The following ZNF366 variants were observed in gnomAD, a reference collection of about 807,000 sequenced individuals.
ZNF366 encodes the protein dendritic cell-specific transcript protein.
In ZNF366, 20 loss-of-function variants were observed where a neutral mutation model predicts 47.2. The ratio of observed to expected loss-of-function variants is 0.42; its 90% CI spans 0.30 to 0.62. The LOEUF is 0.62. Ranked by LOEUF, ZNF366 falls within the 20% of genes least tolerant of loss-of-function variation. The probability of loss-of-function intolerance (pLI) is 0.16; values close to 1 mark genes in which losing one functional copy is unlikely to be tolerated. For missense variants in ZNF366, 987 were observed against 976.3 expected (o/e 1.01, Z -0.15); for synonymous variants, 421 against 395.1 (o/e 1.07, Z -0.78).
Position 72,441,310 on chromosome 5 carries a change from A to T in ZNF366, c.*2446T>A, listed in dbSNP as rs1234605977. 6.6e-6 allele frequency: 1 copy of T among 152,242 alleles called. No individual in the cohort carries two copies. Among genetic ancestry groups the T allele is most frequent in the Non-Finnish European group, 1.5e-5 (1 of 68,056 alleles). The allele number at this position is 152,242 out of a possible 1,614,324, so 9.4% of individuals were successfully genotyped here. On this transcript the variant is annotated 3_prime_UTR_variant, in exon 5 of 5. Transcript: ENST00000318442. ...ACACAGCACATAGTAGGTCCTCAACACATGGCCGCAGTGTGAATAAATGTG... is the reference window on the plus strand; with the variant it reads ...ACACAGCACATAGTAGGTCCTCAACTCATGGCCGCAGTGTGAATAAATGTG...
chr5:72,456,869 G>A (rs1409212355), intron 2 of ZNF366, among the ~76,000 whole-genome samples: 1 of 152,048 alleles, frequency 6.6e-6, no homozygotes, highest in Admixed American at 6.5e-5. Flanking sequence ...CTGCTGCTGG[G>A]GTTAAGTCTC....
At chr5:72,484,053 C>T (rs1743839560) in intron 1 of ZNF366, among the ~76,000 whole-genome samples, 1 of 152,212 alleles carries the variant, frequency 6.6e-6, no homozygotes, top group Non-Finnish European at 1.5e-5. Context: ...CTTTCCCCAC[C>T]TTCCGACTGG....
chr5:72,461,800 G>A (rs1043294893), intron 1 of ZNF366, among the ~76,000 whole-genome samples: 18 of 152,206 alleles, frequency 1.2e-4, no homozygotes, highest in African/African-American at 3.1e-4. Flanking sequence ...AGCAAGGGAA[G>A]TGGACTAGTT....
intron 1 of ZNF366, among the ~76,000 whole-genome samples, chr5:72,463,065 A>T (rs1490717543): frequency 6.6e-6 from 1 of 152,230 alleles, no homozygotes; most frequent in East Asian, 1.9e-4. Context: ...AGAGTCTTAG[A>T]CTAACTCAGG....
At chr5:72,449,738 C>T (rs1030421921) in intron 3 of ZNF366, among the ~76,000 whole-genome samples, 1 of 152,196 alleles carries the variant, frequency 6.6e-6, no homozygotes, top group Non-Finnish European at 1.5e-5. Flanking sequence ...AAAGCTTTGC[C>T]TGCTTTTTTA....
chr5:72,491,498 C>T (rs1744007934), intron 1 of ZNF366, among the ~76,000 whole-genome samples: 1 of 152,106 alleles, frequency 6.6e-6, no homozygotes, highest in African/African-American at 2.4e-5. Flanking sequence ...AGTCAGGCAC[C>T]CCCGGGTTTG....
chr5:72,477,411 G>A (rs1325036533), intron 1 of ZNF366, among the ~76,000 whole-genome samples: 1 of 152,200 alleles, frequency 6.6e-6, no homozygotes, highest in Non-Finnish European at 1.5e-5. Flanking sequence ...TGAAATGGCT[G>A]ATCTTAAGAA....
In ZNF366 at chr5:72,447,361, G is replaced by A. The variant is rs772566639; in HGVS notation, c.1581C>T (p.His527=). 2 of 1,614,188 alleles carry A rather than the reference G, an allele frequency of 1.2e-6. No individual in the cohort carries two copies. Among genetic ancestry groups the A allele is most frequent in the South Asian group, 1.1e-5 (1 of 91,078 alleles). The change falls in exon 4 of 5, where the codon CAC becomes CAT. Residue 527 remains histidine (H), a synonymous_variant. Transcript: ENST00000318442. The stretch of plus-strand genomic sequence containing the variant: ...GGCACTTGAAGGGTTTGCTGTCTGA[G>A]TGCAGGTGCATGTGGCCCATCAGGT... ...MHNLMGHMHL[H]SDSKPFKCLY...
At chr5:72,474,944 T>C (rs1743643939) in intron 1 of ZNF366, among the ~76,000 whole-genome samples, 1 of 152,190 alleles carries the variant, frequency 6.6e-6, no homozygotes, top group African/African-American at 2.4e-5. Flanking sequence ...TTTAAAAATT[T>C]AATTAGAAAG....
In ZNF366 at chr5:72,441,858, T is replaced by C. The variant is rs1742860232; in HGVS notation, c.*1898A>G. On this transcript the variant is annotated 3_prime_UTR_variant, in exon 5 of 5. Transcript: ENST00000318442. ...GAAGTTTTTACATAAACAGACACAG[T>C]ACCAGAGGGTTATTGCTATGGGCAG... 6.6e-6 allele frequency: 1 copy of C among 152,162 alleles called. No individual in the cohort carries two copies. Among genetic ancestry groups the C allele is most frequent in the Non-Finnish European group, 1.5e-5 (1 of 68,028 alleles). 9.4% of individuals were successfully genotyped at this position (152,162 alleles called of 1,614,324 possible). A position where few individuals can be genotyped will look rare whatever the true frequency, so the allele number is the denominator to read the frequency against.
At chr5:72,499,700 G>T (rs1179482662) in intron 1 of ZNF366, among the ~76,000 whole-genome samples, 1 of 152,080 alleles carries the variant, frequency 6.6e-6, no homozygotes, top group Non-Finnish European at 1.5e-5. Flanking sequence ...CGTGTCGTGG[G>T]AAAGAAAATG....
chr5:72,468,628 A>G (rs909924014), intron 1 of ZNF366, among the ~76,000 whole-genome samples: 1 of 152,246 alleles, frequency 6.6e-6, no homozygotes, highest in African/African-American at 2.4e-5. Context: ...TAAAAAAATT[A>G]TCAACAACAG....
intron 2 of ZNF366, among the ~76,000 whole-genome samples, chr5:72,456,925 T>A (rs1269526258): frequency 1.3e-5 from 2 of 152,136 alleles, no homozygotes; most frequent in South Asian, 2.1e-4. Context: ...AAGAGCACTA[T>A]GGGCTGATAT....
At chr5:72,469,066 GAA>G (rs2112335202) in intron 1 of ZNF366, among the ~76,000 whole-genome samples, 1 of 152,240 alleles carries the variant, frequency 6.6e-6, no homozygotes, top group South Asian at 2.1e-4. Context: ...TCCACCTCTG[GAA>G]ATGACAGCAT....
chr5:72,474,459 G>A (rs924637526), intron 1 of ZNF366, among the ~76,000 whole-genome samples: 1 of 152,050 alleles, frequency 6.6e-6, no homozygotes, highest in African/African-American at 2.4e-5. Flanking sequence ...CTTATATCTT[G>A]GACAGGTTTG....
intron 1 of ZNF366, among the ~76,000 whole-genome samples, chr5:72,499,470 G>C (rs964185600): frequency 2.0e-5 from 3 of 146,748 alleles, no homozygotes; most frequent in Non-Finnish European, 3.0e-5. Context: ...AGCACTTCAG[G>C]AATCCTGCCT....
chr5:72,456,299 G>T, intron 3 of ZNF366, 105 bp downstream of exon 3: 1 of 1,289,986 alleles, frequency 7.8e-7, no homozygotes, highest in Non-Finnish European at 1.1e-6. Flanking sequence ...CCTACTCTGA[G>T]CCCCCGTAGC....
chr5:72,446,015 TG>T (rs1386060153), intron 4 of ZNF366, among the ~76,000 whole-genome samples: 14 of 152,240 alleles, frequency 9.2e-5, no homozygotes, highest in Non-Finnish European at 1.8e-4. Flanking sequence ...TGTGTGCATA[TG>T]TCTATCTGTT....
intron 3 of ZNF366, among the ~76,000 whole-genome samples, chr5:72,452,447 G>A (rs756984811): frequency 1.3e-5 from 2 of 152,190 alleles, no homozygotes; most frequent in Non-Finnish European, 2.9e-5. Context: ...GGGCTTTGCT[G>A]CCAAAAGGCT....
Sources: allele counts gnomAD v4.1 joint callset (sites outside exome capture counted in the v4.1 genomes callset), GRCh38; gene constraint gnomAD v4.1.1; transcripts MANE v1.5; gene names NCBI Gene and HGNC (gene_info 2026-07-23, HGNC 2026-07-21).